The following TBC1D4 variants were observed in gnomAD, a reference collection of about 807,000 sequenced individuals.
TBC1D4 encodes TBC1 domain family member 4, also known as TBC (Tre-2, BUB2, CDC16) domain-containing protein.
A neutral mutation model predicts 142.5 loss-of-function variants in TBC1D4; 121 were observed. The ratio of observed to expected loss-of-function variants is 0.85; its 90% CI spans 0.73 to 0.99. TBC1D4 has a LOEUF of 0.99. Among genes scored for constraint, TBC1D4 ranks in the 50% least tolerant of loss-of-function variants. The pLI is 0.00. For missense variants in TBC1D4, 1,475 were observed against 1,606.6 expected, an observed-to-expected ratio of 0.92 and a Z score of 1.40; for synonymous variants, 630 against 628.2, an observed-to-expected ratio of 1.00 and a Z score of -0.04.
chr13:75,460,428 G>A (rs1463228538), intron 1 of TBC1D4, among the ~76,000 whole-genome samples: 1 of 152,178 alleles, frequency 6.6e-6, no homozygotes, highest in Non-Finnish European at 1.5e-5. Flanking sequence ...CAGGAAACCA[G>A]GTGAACAAGA....
chr13:75,416,884 C>T (rs1194274332), intron 1 of TBC1D4, among the ~76,000 whole-genome samples: 7 of 152,164 alleles, frequency 4.6e-5, no homozygotes, highest in African/African-American at 1.4e-4. Context: ...ATCCTACTGG[C>T]TGACTAGCAG....
At chr13:75,427,812 G>T (rs1028966137) in intron 1 of TBC1D4, among the ~76,000 whole-genome samples, 1 of 152,160 alleles carries the variant, frequency 6.6e-6, no homozygotes, top group African/African-American at 2.4e-5. Flanking sequence ...GAAAACTCTT[G>T]AAAGCCCACA....
At chr13:75,296,953 T>C (rs1031854002) in intron 17 of TBC1D4, among the ~76,000 whole-genome samples, 3 of 151,864 alleles carry the variant, frequency 2.0e-5, no homozygotes, top group Non-Finnish European at 2.9e-5. Context: ...TCAGAAATCC[T>C]GTGGAGTGAG....
intron 1 of TBC1D4, among the ~76,000 whole-genome samples, chr13:75,392,361 G>A (rs914723692): frequency 1.2e-4 from 19 of 152,016 alleles, no homozygotes; most frequent in African/African-American, 4.6e-4. Context: ...CCCCTCAGCT[G>A]ATCATTTCCT....
At chr13:75,467,404 A>G (rs1481563944) in intron 1 of TBC1D4, among the ~76,000 whole-genome samples, 1 of 152,260 alleles carries the variant, frequency 6.6e-6, no homozygotes, top group Non-Finnish European at 1.5e-5. Context: ...AAAACTAATG[A>G]CAAAACAGAG....
intron 17 of TBC1D4, among the ~76,000 whole-genome samples, chr13:75,295,569 C>T (rs1388247333): frequency 6.6e-6 from 1 of 152,114 alleles, no homozygotes; most frequent in Non-Finnish European, 1.5e-5. Flanking sequence ...CAAGTTATTC[C>T]AGCAGCATAT....
At chr13:75,322,502 G>A (rs1455866924) in intron 11 of TBC1D4, among the ~76,000 whole-genome samples, 1 of 152,106 alleles carries the variant, frequency 6.6e-6, no homozygotes, top group African/African-American at 2.4e-5. Flanking sequence ...AACTAAGCAG[G>A]AACTCCTGAA....
At chr13:75,375,448 T>C (rs1394437851) in intron 1 of TBC1D4, 2 of 152,244 alleles carry the variant, frequency 1.3e-5, no homozygotes, top group African/African-American at 2.4e-5. Context: ...ATATATAACC[T>C]GTTGAACCCA....
chr13:75,300,024 T>C (rs1876370936), intron 16 of TBC1D4, among the ~76,000 whole-genome samples: 1 of 152,146 alleles, frequency 6.6e-6, no homozygotes, highest in Non-Finnish European at 1.5e-5. Flanking sequence ...ATCTTCATAG[T>C]CTATAAACAG....
At chr13:75,424,115 T>C (rs1468671666) in intron 1 of TBC1D4, among the ~76,000 whole-genome samples, 1 of 151,796 alleles carries the variant, frequency 6.6e-6, no homozygotes, top group Non-Finnish European at 1.5e-5. Context: ...AATTTAAAAA[T>C]TCAAAAAACT....
intron 1 of TBC1D4, among the ~76,000 whole-genome samples, chr13:75,420,793 G>GGGGA (rs1438716422): frequency 1.3e-5 from 2 of 152,142 alleles, no homozygotes; most frequent in Non-Finnish European, 2.9e-5. Context: ...AAGAGAACAA[G>GGGGA]CAGTCCAAGA....
chr13:75,382,430 C>T (rs1475665400), intron 1 of TBC1D4, among the ~76,000 whole-genome samples: 1 of 152,180 alleles, frequency 6.6e-6, no homozygotes, highest in Non-Finnish European at 1.5e-5. Context: ...TTTGCATATA[C>T]TGGTCTTTCT....
Position 75,320,148 on chromosome 13 carries a change from C to A in TBC1D4, c.2199-111G>T, listed in dbSNP as rs967936629. The A allele has an allele frequency of 2.6e-6, 3 of 1,168,730 alleles. No individual in the cohort carries two copies. In the African/African-American group the frequency reaches 4.6e-5, roughly 18 times the overall value. The allele number at this position is 1,168,730 out of a possible 1,614,324, so 72.4% of individuals were successfully genotyped here. A position where few individuals can be genotyped will look rare whatever the true frequency, so the allele number is the denominator to read the frequency against. ...TCATCAATAAGTCATGGTAAGGTTA[C>A]TTCAATAATGAACCACAATGAATAA... On this transcript the variant is annotated intron_variant, in intron 11 of 20. Transcript: ENST00000377636.
At chr13:75,467,441 T>C (rs976159299) in intron 1 of TBC1D4, among the ~76,000 whole-genome samples, 3 of 152,152 alleles carry the variant, frequency 2.0e-5, no homozygotes, top group African/African-American at 7.2e-5. Flanking sequence ...CACATACTGC[T>C]TCATCAATGG....
chr13:75,300,495 A>C (rs142538173), intron 16 of TBC1D4, among the ~76,000 whole-genome samples: 1 of 151,838 alleles, frequency 6.6e-6, no homozygotes, highest in East Asian at 1.9e-4. Context: ...GTTTTCTCCC[A>C]CATATGCTTA....
At chr13:75,412,564 G>A (rs144220211) in intron 1 of TBC1D4, among the ~76,000 whole-genome samples, 2 of 152,006 alleles carry the variant, frequency 1.3e-5, no homozygotes, top group Admixed American at 6.5e-5. Flanking sequence ...TTCAGCCTTC[G>A]AAAGTGCTGG....
At chr13:75,346,097 C>T (rs548582831) in intron 5 of TBC1D4, among the ~76,000 whole-genome samples, 58 of 152,076 alleles carry the variant, frequency 3.8e-4, no homozygotes, top group East Asian at 1.5e-3. Flanking sequence ...TGGGAAAAGA[C>T]GGGTAAGGAA....
At chr13:75,418,796 CTA>C (rs1474421423) in intron 1 of TBC1D4, among the ~76,000 whole-genome samples, 1 of 152,118 alleles carries the variant, frequency 6.6e-6, no homozygotes, top group African/African-American at 2.4e-5. Flanking sequence ...ACTCCAAGTG[CTA>C]TGTTTGAATT....
intron 19 of TBC1D4, among the ~76,000 whole-genome samples, chr13:75,290,491 G>T (rs950375206): frequency 2.6e-5 from 4 of 152,022 alleles, no homozygotes; most frequent in African/African-American, 9.7e-5. Context: ...TAGAAGGGAG[G>T]TGATATCTGA....
Sources: allele counts gnomAD v4.1 joint callset (sites outside exome capture counted in the v4.1 genomes callset), GRCh38; gene constraint gnomAD v4.1.1; transcripts MANE v1.5; gene names NCBI Gene and HGNC (gene_info 2026-07-23, HGNC 2026-07-21).